The following PDSS2 variants were observed in gnomAD, a reference collection of about 807,000 sequenced individuals.
PDSS2 encodes all trans-polyprenyl-diphosphate synthase PDSS2.
PDSS2 carries 31 observed loss-of-function variants against 44.5 expected under a neutral mutation model. The observed-to-expected ratio is 0.70, with a 90% CI of 0.52 to 0.94. The LOEUF is 0.94. Ranked by LOEUF, PDSS2 falls within the 40% of genes least tolerant of loss-of-function variation. The pLI is 0.00. For missense variants in PDSS2, 452 were observed against 482.2 expected (o/e 0.94, Z 0.59); for synonymous variants, 157 against 180.3 (o/e 0.87, Z 1.03).
chr6:107,298,782 T>C (rs559861145), intron 2 of PDSS2, among the ~76,000 whole-genome samples: 20 of 152,284 alleles, frequency 1.3e-4, no homozygotes, highest in Admixed American at 2.6e-4. Context: ...TGATCTCCCA[T>C]GGGATCTGAA....
At chr6:107,331,132 T>C (rs1342455714) in intron 2 of PDSS2, among the ~76,000 whole-genome samples, 4 of 152,198 alleles carry the variant, frequency 2.6e-5, no homozygotes, top group Non-Finnish European at 4.4e-5. Context: ...AAATGTTAAA[T>C]AATTCACTGT....
chr6:107,374,112 G>A (rs548626183), intron 1 of PDSS2, among the ~76,000 whole-genome samples: 1 of 152,122 alleles, frequency 6.6e-6, no homozygotes, highest in South Asian at 2.1e-4. Flanking sequence ...AAATTAACCT[G>A]CCGTGGTGGC....
At chr6:107,384,001 G>A (rs970796929) in intron 1 of PDSS2, among the ~76,000 whole-genome samples, 3 of 152,292 alleles carry the variant, frequency 2.0e-5, no homozygotes, top group African/African-American at 7.2e-5. Context: ...CAGCCCAAAA[G>A]TAGAACCAAC....
intron 2 of PDSS2, among the ~76,000 whole-genome samples, chr6:107,310,731 AC>A (rs1385185722): frequency 6.6e-6 from 1 of 152,150 alleles, no homozygotes; most frequent in South Asian, 2.1e-4. Context: ...TATCTGCAGG[AC>A]TGTCAGGTCC....
chr6:107,336,456 A>T (rs1461592031), intron 1 of PDSS2, among the ~76,000 whole-genome samples: 1 of 152,108 alleles, frequency 6.6e-6, no homozygotes, highest in Non-Finnish European at 1.5e-5. Flanking sequence ...AAAAGGGTTT[A>T]AACTGATTTT....
chr6:107,402,479 C>CATATATATACGTATATAAATGTATACAT (rs35496296), intron 1 of PDSS2, among the ~76,000 whole-genome samples: 1 of 43,370 alleles, frequency 2.3e-5, no homozygotes, highest in Non-Finnish European at 3.7e-5. Context: ...TATATGTATA[C>CATATATATACGTATATAAATGTATACAT]ATATATACGT....
At chr6:107,270,679 G>A (rs974620012) in intron 3 of PDSS2, among the ~76,000 whole-genome samples, 1 of 152,054 alleles carries the variant, frequency 6.6e-6, no homozygotes, top group African/African-American at 2.4e-5. Flanking sequence ...CCACAACACT[G>A]TGCTTCACCA....
At chr6:107,244,227 C>T (rs951255694) in intron 4 of PDSS2, among the ~76,000 whole-genome samples, 2 of 152,168 alleles carry the variant, frequency 1.3e-5, no homozygotes, top group Admixed American at 6.6e-5. Flanking sequence ...ATTACTTAAC[C>T]TTTTCTCAAC....
At chr6:107,176,236 T>C (rs1393661092) in intron 7 of PDSS2, among the ~76,000 whole-genome samples, 1 of 152,064 alleles carries the variant, frequency 6.6e-6, no homozygotes, top group African/African-American at 2.4e-5. Flanking sequence ...GAGACGGGGT[T>C]TCACCATGTT....
intron 1 of PDSS2, among the ~76,000 whole-genome samples, chr6:107,401,692 T>C (rs538057985): frequency 1.3e-5 from 2 of 152,174 alleles, no homozygotes; most frequent in Non-Finnish European, 2.9e-5. Context: ...ACTCAGGATA[T>C]GAACAAGAAA....
At chr6:107,425,728 G>A (rs369785448) in intron 1 of PDSS2, among the ~76,000 whole-genome samples, 209 of 152,256 alleles carry the variant, frequency 1.4e-3, no homozygotes, top group South Asian at 2.1e-3. Context: ...TTGGGAGGCC[G>A]AGGTGGGTGG....
At chr6:107,259,222 T>A (rs554584650) in intron 3 of PDSS2, among the ~76,000 whole-genome samples, 1 of 152,330 alleles carries the variant, frequency 6.6e-6, no homozygotes, top group South Asian at 2.1e-4. Context: ...CTATAAAGTT[T>A]CTAATTTCAG....
intron 4 of PDSS2, among the ~76,000 whole-genome samples, chr6:107,225,162 T>TATATATATATATATA (rs1491560664): frequency 4.1e-4 from 13 of 31,402 alleles, no homozygotes; most frequent in African/African-American, 2.0e-3. Context: ...TATATATATA[T>TATATATATATATATA]TTTTTTTTTT....
intron 7 of PDSS2, among the ~76,000 whole-genome samples, chr6:107,187,407 G>C (rs1772206583): frequency 6.6e-6 from 1 of 152,194 alleles, no homozygotes; most frequent in Admixed American, 6.5e-5. Context: ...GCTCACGCCT[G>C]TAATTCCAAC....
intron 3 of PDSS2, among the ~76,000 whole-genome samples, chr6:107,265,953 A>G (rs1218130535): frequency 6.6e-6 from 1 of 152,160 alleles, no homozygotes; most frequent in East Asian, 1.9e-4. Context: ...AAACAAACAA[A>G]CAAACAAAAC....
At chr6:107,201,563 A>G (rs1247481436) in intron 6 of PDSS2, among the ~76,000 whole-genome samples, 1 of 152,162 alleles carries the variant, frequency 6.6e-6, no homozygotes, top group African/African-American at 2.4e-5. Context: ...ACGTTTTTTT[A>G]TAAGTCAGGT....
intron 1 of PDSS2, among the ~76,000 whole-genome samples, chr6:107,390,628 G>A (rs1779750161): frequency 6.6e-6 from 1 of 152,066 alleles, no homozygotes; most frequent in African/African-American, 2.4e-5. Flanking sequence ...TACCACTGTT[G>A]ATTTCTTAGT....
At chr6:107,341,437 C>G (rs376603185) in intron 1 of PDSS2, among the ~76,000 whole-genome samples, 2 of 152,090 alleles carry the variant, frequency 1.3e-5, no homozygotes, top group Non-Finnish European at 1.5e-5. Context: ...ATGGTGATGC[C>G]AAGCAGGCAG....
intron 1 of PDSS2, among the ~76,000 whole-genome samples, chr6:107,428,820 G>A (rs1395868051): frequency 6.6e-6 from 1 of 152,176 alleles, no homozygotes; most frequent in African/African-American, 2.4e-5. Flanking sequence ...CTGGGCAACA[G>A]AGCAAGATTC....
Sources: gnomAD v4.1 joint callset for allele counts (sites outside exome capture counted in the v4.1 genomes callset) on GRCh38, gnomAD v4.1.1 for gene constraint, MANE v1.5 for transcripts, NCBI Gene and HGNC (gene_info 2026-07-23, HGNC 2026-07-21) for gene names.